Variants in RBMS1 observed in about 807,000 individuals in gnomAD.
RBMS1 encodes the protein RNA-binding motif, single-stranded-interacting protein 1.
RBMS1 carries 17 observed loss-of-function variants against 62.3 expected under a neutral mutation model. The observed-to-expected ratio is 0.27, with a 90% CI of 0.19 to 0.41. The LOEUF (loss-of-function observed/expected upper bound fraction) is 0.41, where lower values mean the gene tolerates loss of function less well. Among genes scored for constraint, RBMS1 ranks in the 10% least tolerant of loss-of-function variants. The pLI is 1.00. For missense variants in RBMS1, 334 were observed against 504.5 expected, an observed-to-expected ratio of 0.66 and a Z score of 3.24; for synonymous variants, 172 against 170.0, an observed-to-expected ratio of 1.01 and a Z score of -0.09.
intron 1 of RBMS1, among the ~76,000 whole-genome samples, chr2:160,423,300 G>A (rs1696507656): frequency 7.2e-6 from 1 of 139,292 alleles, no homozygotes; most frequent in Non-Finnish European, 1.5e-5. Context: ...TTTTAAAAAT[G>A]TGAACAGCAG....
chr2:160,352,124 C>T (rs748397628), intron 2 of RBMS1, among the ~76,000 whole-genome samples: 5 of 152,104 alleles, frequency 3.3e-5, no homozygotes, highest in South Asian at 2.1e-4. Context: ...TACAACATTA[C>T]GAAATTGAGT....
At chr2:160,311,323 A>G (rs984917861) in intron 4 of RBMS1, among the ~76,000 whole-genome samples, 1 of 149,646 alleles carries the variant, frequency 6.7e-6, no homozygotes, top group Non-Finnish European at 1.5e-5. Context: ...AACTCAATGC[A>G]AAGTTTTAAA....
chr2:160,355,219 G>A (rs1692731476), intron 2 of RBMS1, among the ~76,000 whole-genome samples: 2 of 152,210 alleles, frequency 1.3e-5, no homozygotes, highest in South Asian at 4.1e-4. Flanking sequence ...TAAATAATCA[G>A]TGAGTAATAA....
chr2:160,468,250 T>G (rs1315590941), intron 1 of RBMS1, among the ~76,000 whole-genome samples: 1 of 152,198 alleles, frequency 6.6e-6, no homozygotes, highest in Non-Finnish European at 1.5e-5. Context: ...TATTTATTAG[T>G]GGGTATCCAC....
At chr2:160,462,370 T>C (rs753696424) in intron 1 of RBMS1, among the ~76,000 whole-genome samples, 3 of 152,174 alleles carry the variant, frequency 2.0e-5, no homozygotes, top group Admixed American at 6.5e-5. Context: ...GCCTTTAATG[T>C]TAACATATGA....
chr2:160,384,982 T>C (rs550068955), intron 1 of RBMS1, among the ~76,000 whole-genome samples: 26 of 152,222 alleles, frequency 1.7e-4, no homozygotes, highest in Admixed American at 5.2e-4. Flanking sequence ...GTGTGTGGCC[T>C]TTCCCTCTCT....
intron 2 of RBMS1, among the ~76,000 whole-genome samples, chr2:160,321,917 A>G (rs113396857): frequency 8.3e-4 from 126 of 152,302 alleles, no homozygotes; most frequent in African/African-American, 3.0e-3. Flanking sequence ...TTTACCTTAA[A>G]TACCCCTTTA....
At chr2:160,360,414 CAACAGCT>C (rs1217107530) in intron 2 of RBMS1, among the ~76,000 whole-genome samples, 1 of 152,136 alleles carries the variant, frequency 6.6e-6, no homozygotes, top group Non-Finnish European at 1.5e-5. Flanking sequence ...TCTTCTACTC[CAACAGCT>C]AACTTTTTCT....
chr2:160,284,659 G>A, intron 9 of RBMS1, 116 bp downstream of exon 9: 1 of 825,948 alleles, frequency 1.2e-6, no homozygotes, highest in Non-Finnish European at 2.1e-6. Context: ...TATCCAAGCT[G>A]CATAATATTT....
chr2:160,353,445 C>T (rs1279207886), intron 2 of RBMS1, among the ~76,000 whole-genome samples: 5 of 152,048 alleles, frequency 3.3e-5, no homozygotes, highest in Non-Finnish European at 7.4e-5. Context: ...CTCTGTCTGC[C>T]AAGTTGGGAA....
intron 1 of RBMS1, among the ~76,000 whole-genome samples, chr2:160,459,904 A>G (rs1248599581): frequency 6.6e-6 from 1 of 152,226 alleles, no homozygotes; most frequent in East Asian, 1.9e-4. Context: ...AACTTCCTCT[A>G]AACACCACTT....
chr2:160,459,403 C>T (rs1000830903), intron 1 of RBMS1, among the ~76,000 whole-genome samples: 1 of 152,044 alleles, frequency 6.6e-6, no homozygotes, highest in Non-Finnish European at 1.5e-5. Context: ...TTTTTAATAG[C>T]GCAAATTCTT....
intron 1 of RBMS1, among the ~76,000 whole-genome samples, chr2:160,447,686 T>C (rs1159425558): frequency 6.6e-6 from 1 of 152,254 alleles, no homozygotes; most frequent in Non-Finnish European, 1.5e-5. Context: ...TGTCCATTTA[T>C]AGTTGAGACA....
intron 6 of RBMS1, among the ~76,000 whole-genome samples, chr2:160,287,311 A>G (rs1327597014): frequency 6.6e-6 from 1 of 152,218 alleles, no homozygotes; most frequent in Non-Finnish European, 1.5e-5. Flanking sequence ...TATTCTGAGG[A>G]AGCAAAGGAA....
chr2:160,329,611 G>A (rs1367975877), intron 2 of RBMS1, among the ~76,000 whole-genome samples: 1 of 151,944 alleles, frequency 6.6e-6, no homozygotes, highest in Non-Finnish European at 1.5e-5. Flanking sequence ...AGCACCAAAT[G>A]CTGTAAAATT....
At chr2:160,468,455 T>G (rs1684786086) in intron 1 of RBMS1, among the ~76,000 whole-genome samples, 1 of 152,194 alleles carries the variant, frequency 6.6e-6, no homozygotes, top group Non-Finnish European at 1.5e-5. Context: ...TGAGTAGGCG[T>G]TTTTACTGCC....
rs143688769 is a variant in RBMS1 at position 160,292,155 on chromosome 2, G to C, written c.641-5071C>G. ...ATAGTGGTGGGTGTACTGTATGGTG[G>C]TATTCTAACCAGTATTCTAACTGGC... On this transcript the variant is annotated intron_variant, in intron 6 of 13. Coordinates refer to ENST00000348849, the MANE Select transcript of RBMS1 (RefSeq NM_016836.4). Among the ~76,000 whole-genome samples, 352 of 152,298 alleles carry C rather than the reference G, an allele frequency of 2.3e-3. 1 individual carries two copies. Among genetic ancestry groups the C allele is most frequent in the Non-Finnish European group, 4.1e-3 (280 of 68,030 alleles).
intron 1 of RBMS1, among the ~76,000 whole-genome samples, chr2:160,456,288 T>A (rs1252004812): frequency 6.6e-6 from 1 of 152,180 alleles, no homozygotes; most frequent in Non-Finnish European, 1.5e-5. Context: ...TTACCAGCTA[T>A]AGGGTGAGTC....
chr2:160,309,912 G>T (rs894555623), intron 4 of RBMS1, among the ~76,000 whole-genome samples: 1 of 152,142 alleles, frequency 6.6e-6, no homozygotes, highest in Non-Finnish European at 1.5e-5. Context: ...ACCTAATCCA[G>T]GGAAGGGAGA....
Sources: gnomAD v4.1 joint callset for allele counts (sites outside exome capture counted in the v4.1 genomes callset) on GRCh38, gnomAD v4.1.1 for gene constraint, MANE v1.5 for transcripts, NCBI Gene and HGNC (gene_info 2026-07-23, HGNC 2026-07-21) for gene names.